SLC38A11: variants seen among roughly 807,000 people sequenced by gnomAD.
The protein encoded by SLC38A11 is solute carrier family 38 member 11.
A neutral mutation model predicts 49.4 loss-of-function variants in SLC38A11; 51 were observed. The ratio of observed to expected loss-of-function variants is 1.03; its 90% confidence interval spans 0.83 to 1.30. The LOEUF is 1.30. Among genes scored for constraint, SLC38A11 ranks in the 50% most tolerant of loss-of-function variants. The probability of loss-of-function intolerance (pLI) is 0.00; values close to 1 mark genes in which losing one functional copy is unlikely to be tolerated. For synonymous variants in SLC38A11, 203 were observed against 192.9 expected, an observed-to-expected ratio of 1.05 and a Z score of -0.43; for missense variants, 574 against 556.2, an observed-to-expected ratio of 1.03 and a Z score of -0.32.
rs920196813 is a variant in SLC38A11, at chr2:164,895,592, T to G, written c.*2845A>C. The G allele has an allele frequency of 6.6e-6, 1 of 152,160 alleles. No homozygotes were observed. The highest frequency in any genetic ancestry group is 2.4e-5 in the African/African-American group (1 of 41,450). The allele number at this position is 152,160 out of a possible 1,614,324, so 9.4% of individuals were successfully genotyped here. A position where few individuals can be genotyped will look rare whatever the true frequency, so the allele number is the denominator to read the frequency against. On this transcript the variant is annotated 3_prime_UTR_variant, in exon 12 of 12. Coordinates refer to ENST00000685975, the MANE Select transcript of SLC38A11 (RefSeq NM_001351537.2). ...AGGACTAATTGAAAATTTCTTAGTTTGGTTAAATGGATGCAGTCTCCTTTT... is the reference window on the plus strand; with the variant it reads ...AGGACTAATTGAAAATTTCTTAGTTGGGTTAAATGGATGCAGTCTCCTTTT...
At chr2:164,913,173 C>G (rs936128770) in intron 9 of SLC38A11, among the ~76,000 whole-genome samples, 2 of 151,890 alleles carry the variant, frequency 1.3e-5, no homozygotes, top group Admixed American at 1.3e-4. Flanking sequence ...CACCCCTCCC[C>G]CCATCAACTA....
intron 11 of SLC38A11, among the ~76,000 whole-genome samples, chr2:164,902,763 A>G (rs1049597897): frequency 2.6e-5 from 4 of 152,210 alleles, no homozygotes; most frequent in African/African-American, 9.6e-5. Flanking sequence ...CTATGATCCC[A>G]ATTATGTAAC....
At chr2:164,948,016 T>C (rs937692630) in intron 3 of SLC38A11, among the ~76,000 whole-genome samples, 3 of 152,224 alleles carry the variant, frequency 2.0e-5, no homozygotes, top group East Asian at 1.9e-4. Context: ...TTGATTATCA[T>C]AAATCTAATT....
At chr2:164,912,026 T>G (rs1250807663) in intron 9 of SLC38A11, 2 of 192,680 alleles carry the variant, frequency 1.0e-5, no homozygotes, top group Non-Finnish European at 2.1e-5. Context: ...GTGTAATAGG[T>G]GCTACCATCT....
At chr2:164,937,262 G>T in intron 7 of SLC38A11, 88 bp downstream of exon 7, 1 of 862,080 alleles carries the variant, frequency 1.2e-6, no homozygotes, top group Non-Finnish European at 1.9e-6. Flanking sequence ...TGATACCATG[G>T]TTACTTTATA....
chr2:164,945,995 C>G (rs16849964), intron 3 of SLC38A11, among the ~76,000 whole-genome samples: 1 of 151,980 alleles, frequency 6.6e-6, no homozygotes, highest in African/African-American at 2.4e-5. Flanking sequence ...AAAACAGACT[C>G]GAGTCAAACT....
intron 5 of SLC38A11, 100 bp from the exon 6 acceptor site, chr2:164,939,656 A>C (rs909896615): frequency 1.6e-6 from 1 of 613,380 alleles, no homozygotes; most frequent in African/African-American, 1.9e-5. Flanking sequence ...ACTTAAACAT[A>C]AATACTACCT....
At chr2:164,902,157 T>C (rs1389074371) in intron 11 of SLC38A11, among the ~76,000 whole-genome samples, 1 of 151,434 alleles carries the variant, frequency 6.6e-6, no homozygotes, top group African/African-American at 2.4e-5. Flanking sequence ...GCATCCTGAG[T>C]TGTTGAGACT....
chr2:164,922,706 T>C (rs2105474020), intron 7 of SLC38A11, among the ~76,000 whole-genome samples: 1 of 152,234 alleles, frequency 6.6e-6, no homozygotes, highest in East Asian at 1.9e-4. Flanking sequence ...ACATCATTTT[T>C]TAAATTTAGA....
At chr2:164,943,393 T>C (rs1391873695) in intron 5 of SLC38A11, among the ~76,000 whole-genome samples, 1 of 152,162 alleles carries the variant, frequency 6.6e-6, no homozygotes, top group African/African-American at 2.4e-5. Flanking sequence ...TAAAATGAAA[T>C]GCTTCTCAGA....
At chr2:164,900,886 G>A (rs1481708119) in intron 11 of SLC38A11, among the ~76,000 whole-genome samples, 2 of 151,994 alleles carry the variant, frequency 1.3e-5, no homozygotes, top group Non-Finnish European at 2.9e-5. Flanking sequence ...CAAGGCTAAT[G>A]TCAAGGAGCT....
chr2:164,927,853 C>T (rs1050379101), intron 7 of SLC38A11, among the ~76,000 whole-genome samples: 6 of 152,116 alleles, frequency 3.9e-5, no homozygotes, highest in Admixed American at 3.9e-4. Flanking sequence ...TAAGTTTGTT[C>T]CACAAACTAT....
At chr2:164,945,764 G>GT (rs1688064687) in intron 3 of SLC38A11, 37 bp from the exon 4 acceptor site, 1 of 1,575,422 alleles carries the variant, frequency 6.3e-7, no homozygotes, top group African/African-American at 1.4e-5. Flanking sequence ...CAGATTACAT[G>GT]TAATACAAAT....
chr2:164,945,149 AC>A (rs1413221521), intron 4 of SLC38A11, among the ~76,000 whole-genome samples: 5 of 152,166 alleles, frequency 3.3e-5, no homozygotes, highest in Non-Finnish European at 7.4e-5. Flanking sequence ...CCATTAGTGA[AC>A]ATTAACATTT....
At chr2:164,950,920 G>GA (rs1181550676) in intron 3 of SLC38A11, among the ~76,000 whole-genome samples, 3 of 151,258 alleles carry the variant, frequency 2.0e-5, no homozygotes, top group East Asian at 1.9e-4. Context: ...GTCTAATTAA[G>GA]AAAAAAAATG....
At chr2:164,908,490 A>T in intron 11 of SLC38A11, 150 bp downstream of exon 11, 1 of 686,734 alleles carries the variant, frequency 1.5e-6, no homozygotes, top group Non-Finnish European at 2.2e-6. Context: ...GCACAGAATC[A>T]TCATTGAAAA....
At chr2:164,944,136 G>A (rs996408502) in intron 5 of SLC38A11, among the ~76,000 whole-genome samples, 9 of 152,120 alleles carry the variant, frequency 5.9e-5, no homozygotes, top group South Asian at 4.1e-4. Flanking sequence ...GATTATAGGC[G>A]TGAGCCACCA....
At chr2:164,938,778 C>CT (rs1256345660) in intron 6 of SLC38A11, among the ~76,000 whole-genome samples, 1 of 152,114 alleles carries the variant, frequency 6.6e-6, no homozygotes, top group Non-Finnish European at 1.5e-5. Context: ...ATAAACAACT[C>CT]TTTTTAAAAA....
chr2:164,942,523 C>T (rs1687852251), intron 5 of SLC38A11, among the ~76,000 whole-genome samples: 1 of 151,804 alleles, frequency 6.6e-6, no homozygotes, highest in Admixed American at 6.6e-5. Flanking sequence ...GAAAACCCCC[C>T]ACAAAAATCC....
Sources: allele counts gnomAD v4.1 joint callset (sites outside exome capture counted in the v4.1 genomes callset), GRCh38; gene constraint gnomAD v4.1.1; transcripts MANE v1.5; gene names NCBI Gene and HGNC (gene_info 2026-07-23, HGNC 2026-07-21).